PPP3R1: variants seen among roughly 807,000 people sequenced by gnomAD.
PPP3R1 encodes calcineurin subunit B type 1.
A neutral mutation model predicts 22.6 loss-of-function variants in PPP3R1; 5 were observed. The ratio of observed to expected loss-of-function variants is 0.22; its 90% confidence interval spans 0.12 to 0.46. The LOEUF is 0.46. PPP3R1 is among the 20% of genes least tolerant of loss of function. PPP3R1 has a pLI of 0.99. For synonymous variants in PPP3R1, 56 were observed against 65.2 expected, an observed-to-expected ratio of 0.86 and a Z score of 0.68; for missense variants, 61 against 203.2, an observed-to-expected ratio of 0.30 and a Z score of 4.25.
chr2:68,251,909 C>A (rs898656788), intron 1 of PPP3R1, among the ~76,000 whole-genome samples: 19 of 99,818 alleles, frequency 1.9e-4, no homozygotes, highest in African/African-American at 7.1e-4. Context: ...CCGCAGAGGC[C>A]GGGGGCGGGC....
intron 1 of PPP3R1, among the ~76,000 whole-genome samples, chr2:68,247,503 A>ACACTG (rs1670259436): frequency 6.6e-6 from 1 of 152,210 alleles, no homozygotes; most frequent in Admixed American, 6.5e-5. Flanking sequence ...GGCACTGTTA[A>ACACTG]TATTTCACAG....
At chr2:68,236,784 C>T (rs963965760) in intron 1 of PPP3R1, among the ~76,000 whole-genome samples, 2 of 151,990 alleles carry the variant, frequency 1.3e-5, no homozygotes, top group African/African-American at 2.4e-5. Context: ...AACTTAAATG[C>T]CAGAGTAAGG....
intron 1 of PPP3R1, among the ~76,000 whole-genome samples, chr2:68,243,353 G>A (rs1670168743): frequency 6.6e-6 from 1 of 152,124 alleles, no homozygotes; most frequent in Non-Finnish European, 1.5e-5. Context: ...AAACACTGAG[G>A]AGATGTTGAC....
intron 1 of PPP3R1, among the ~76,000 whole-genome samples, chr2:68,232,644 T>C (rs1433066911): frequency 6.6e-6 from 1 of 152,002 alleles, no homozygotes; most frequent in East Asian, 1.9e-4. Flanking sequence ...TCTTGCTCTG[T>C]CACCCAGGCT....
At chr2:68,233,566 A>G (rs1285239147) in intron 1 of PPP3R1, among the ~76,000 whole-genome samples, 2 of 152,174 alleles carry the variant, frequency 1.3e-5, no homozygotes, top group Non-Finnish European at 2.9e-5. Flanking sequence ...ACTGTAAGCA[A>G]TCAATTAATA....
chr2:68,240,554 G>A (rs1208561202), intron 1 of PPP3R1, among the ~76,000 whole-genome samples: 1 of 152,156 alleles, frequency 6.6e-6, no homozygotes, highest in African/African-American at 2.4e-5. Flanking sequence ...AAACATTAAA[G>A]GTACTAAAAG....
chr2:68,188,906 G>C (rs1350843770), intron 2 of PPP3R1, among the ~76,000 whole-genome samples: 1 of 152,026 alleles, frequency 6.6e-6, no homozygotes, highest in African/African-American at 2.4e-5. Flanking sequence ...ATAAATACTT[G>C]TATTTGGTTA....
chr2:68,180,906 A>C lies in PPP3R1; in HGVS notation c.*57T>G, dbSNP rs981793424. The C allele has an allele frequency of 1.3e-6, 2 of 1,500,806 alleles. No homozygotes were observed. The highest frequency in any genetic ancestry group is 2.8e-5 in the African/African-American group (2 of 72,432). 93.0% of individuals were successfully genotyped at this position (1,500,806 alleles called of 1,614,324 possible). A position where few individuals can be genotyped will look rare whatever the true frequency, so the allele number is the denominator to read the frequency against. On this transcript the variant is annotated 3_prime_UTR_variant, in exon 6 of 6. Transcript: ENST00000234310. ...GAGAGCATTGCTGGACGTCTTGAGCAGATCTTCAGAGATGGAGAAGAAAGC... is the reference window on the plus strand; with the variant it reads ...GAGAGCATTGCTGGACGTCTTGAGCCGATCTTCAGAGATGGAGAAGAAAGC...
chr2:68,203,707 G>T (rs1329198517), intron 2 of PPP3R1, among the ~76,000 whole-genome samples: 6 of 152,126 alleles, frequency 3.9e-5, no homozygotes, highest in Non-Finnish European at 8.8e-5. Flanking sequence ...TGAGACGAAT[G>T]TGATTAAGAG....
rs573878729 is a variant in PPP3R1 at position 68,233,503 on chromosome 2, CTGAG to C, written c.4-16376_4-16373del. 5.2e-3 allele frequency among the ~76,000 whole-genome samples: 796 copies of C among 152,214 alleles called. 7 individuals are homozygous for C. Among genetic ancestry groups the C allele is most frequent in the African/African-American group, 0.018 (756 of 41,502 alleles). ...AATATTTAGGCAAATTCTCGAAATA[CTGAG>C]TATTATGTCCCAAAATGTAAAAATA... On this transcript the variant is annotated intron_variant, in intron 1 of 5. Transcript: ENST00000234310.
At chr2:68,232,223 A>ATG (rs76815812) in intron 1 of PPP3R1, among the ~76,000 whole-genome samples, 2,114 of 45,702 alleles carry the variant, frequency 0.046, 35 homozygotes, top group Non-Finnish European at 0.057. Flanking sequence ...ATATGTATAT[A>ATG]TGTGTGTGTG....
chr2:68,240,767 G>A (rs541813898), intron 1 of PPP3R1, among the ~76,000 whole-genome samples: 20 of 152,330 alleles, frequency 1.3e-4, no homozygotes, highest in Non-Finnish European at 2.5e-4. Context: ...AGGGACAGAA[G>A]TAAGCAGATG....
At chr2:68,193,468 G>C (rs536064104) in intron 2 of PPP3R1, among the ~76,000 whole-genome samples, 70 of 152,100 alleles carry the variant, frequency 4.6e-4, no homozygotes, top group Non-Finnish European at 6.3e-4. Flanking sequence ...TGAGCAACTA[G>C]AGGAATCCAT....
At chr2:68,198,214 A>C (rs1482630231) in intron 2 of PPP3R1, among the ~76,000 whole-genome samples, 2 of 136,658 alleles carry the variant, frequency 1.5e-5, no homozygotes, top group Non-Finnish European at 3.1e-5. Context: ...GTGCATACAT[A>C]TATACATTTT....
At chr2:68,234,970 C>T (rs982184143) in intron 1 of PPP3R1, among the ~76,000 whole-genome samples, 7 of 151,938 alleles carry the variant, frequency 4.6e-5, no homozygotes, top group Non-Finnish European at 1.0e-4. Context: ...TGGAGGTGGT[C>T]AACAAACACT....
Position 68,238,906 on chromosome 2 carries a change from T to A in PPP3R1, c.3+13219A>T, listed in dbSNP as rs192020088. ...ATAACATGGCTTAAGGAAAATTCAGTCCGGAACAGACACTTAAAACCTATG... is the reference window on the plus strand; with the variant it reads ...ATAACATGGCTTAAGGAAAATTCAGACCGGAACAGACACTTAAAACCTATG... On this transcript the variant is annotated intron_variant, in intron 1 of 5. Coordinates refer to ENST00000234310, the MANE Select transcript of PPP3R1 (RefSeq NM_000945.4). Among the ~76,000 whole-genome samples the A allele has an allele frequency of 3.9e-5, 6 of 152,242 alleles. No homozygotes were observed. In the East Asian group the frequency reaches 1.2e-3, roughly 29 times the overall value.
intron 2 of PPP3R1, among the ~76,000 whole-genome samples, chr2:68,202,675 T>C (rs1322472764): frequency 6.6e-6 from 1 of 151,894 alleles, no homozygotes; most frequent in Non-Finnish European, 1.5e-5. Context: ...TCCACTTGCC[T>C]CGGTCTCCCA....
At chr2:68,212,645 GGTAA>G (rs1049838237) in intron 2 of PPP3R1, among the ~76,000 whole-genome samples, 49 of 152,306 alleles carry the variant, frequency 3.2e-4, no homozygotes, top group African/African-American at 1.1e-3. Context: ...TTTTCTGAGA[GGTAA>G]GTGTCAACAG....
chr2:68,247,697 T>C (rs529460166), intron 1 of PPP3R1, among the ~76,000 whole-genome samples: 3 of 152,208 alleles, frequency 2.0e-5, no homozygotes, highest in Non-Finnish European at 2.9e-5. Context: ...TCAACAAATA[T>C]TTGCTGGGTG....
Sources: gnomAD v4.1 joint callset for allele counts (sites outside exome capture counted in the v4.1 genomes callset) on GRCh38, gnomAD v4.1.1 for gene constraint, MANE v1.5 for transcripts, NCBI Gene and HGNC (gene_info 2026-07-23, HGNC 2026-07-21) for gene names.